MARCHF5: variants seen among roughly 807,000 people sequenced by gnomAD.
MARCHF5 encodes the protein E3 ubiquitin-protein ligase MARCHF5.
MARCHF5 carries 5 observed loss-of-function variants against 36.5 expected under a neutral mutation model. The ratio of observed to expected loss-of-function variants is 0.14; its 90% CI spans 0.07 to 0.29. The LOEUF (loss-of-function observed/expected upper bound fraction) is 0.29. Ranked by LOEUF, MARCHF5 falls within the 10% of genes least tolerant of loss-of-function variation. MARCHF5 has a pLI of 1.00. For synonymous variants in MARCHF5, 103 were observed against 109.9 expected, an observed-to-expected ratio of 0.94 and a Z score of 0.39; for missense variants, 179 against 336.3, an observed-to-expected ratio of 0.53 and a Z score of 3.66.
At chr10:92,331,185 G>A (rs1843431792) in intron 2 of MARCHF5, among the ~76,000 whole-genome samples, 1 of 152,094 alleles carries the variant, frequency 6.6e-6, no homozygotes, top group Non-Finnish European at 1.5e-5. Flanking sequence ...CTGTTTTTAT[G>A]TGTTAATAAA....
At chr10:92,318,602 G>C (rs773719167) in intron 2 of MARCHF5, among the ~76,000 whole-genome samples, 1 of 151,402 alleles carries the variant, frequency 6.6e-6, no homozygotes, top group African/African-American at 2.4e-5. Flanking sequence ...GTGCACCTGG[G>C]GTCGCAGCTA....
At position 92,349,777 on chromosome 10, in the gene MARCHF5, T is replaced by C. The variant is rs779556607; in HGVS notation, c.660T>C (p.Ala220=). 6.2e-7 allele frequency: 1 copy of C among 1,609,542 alleles called. No homozygotes were observed. The highest frequency in any genetic ancestry group is 1.1e-5 in the South Asian group (1 of 90,974). Residue 220 remains alanine (A), a synonymous_variant, in exon 5 of 6, where the codon GCT becomes GCC. Coordinates refer to ENST00000358935, the MANE Select transcript of MARCHF5 (RefSeq NM_017824.5). The part of the protein sequence containing the change: ...LCGALVFPTI[A]TIVGKLMFSS... ...GAGCCCTTGTCTTTCCTACTATTGC[T>C]ACAATAGTTGGTAAATTGATGTTCA...
chr10:92,316,801 C>G (rs1360911862), intron 2 of MARCHF5, among the ~76,000 whole-genome samples: 1 of 151,848 alleles, frequency 6.6e-6, no homozygotes, highest in Non-Finnish European at 1.5e-5. Context: ...CAAGGGATCC[C>G]CCTCCCAAAC....
intron 2 of MARCHF5, chr10:92,333,578 A>G: frequency 5.8e-6 from 5 of 861,964 alleles, no homozygotes; most frequent in Non-Finnish European, 7.0e-6. Context: ...CAACTGAACA[A>G]ACATTGAACA....
intron 1 of MARCHF5, among the ~76,000 whole-genome samples, chr10:92,302,050 ACT>A (rs1474912906): frequency 6.6e-6 from 1 of 151,970 alleles, no homozygotes; most frequent in Non-Finnish European, 1.5e-5. Flanking sequence ...GACAAGCAAG[ACT>A]CTGTCTCAAA....
At chr10:92,307,052 T>A (rs1251311834) in intron 1 of MARCHF5, among the ~76,000 whole-genome samples, 1 of 152,092 alleles carries the variant, frequency 6.6e-6, no homozygotes, top group Non-Finnish European at 1.5e-5. Flanking sequence ...CTAGACTATA[T>A]GCCTGCAGTC....
At chr10:92,339,148 T>TCAAGAC (rs1843541962) in intron 2 of MARCHF5, among the ~76,000 whole-genome samples, 1 of 150,896 alleles carries the variant, frequency 6.6e-6, no homozygotes. Context: ...GGTGGGTGGA[T>TCAAGAC]CACCTGAGGT....
chr10:92,318,426 CAA>C lies in MARCHF5; in HGVS notation c.238+7105_238+7106del, dbSNP rs397845333. On this transcript the variant is annotated intron_variant, in intron 2 of 5. Transcript: ENST00000358935. ...GGGCAACTGGAGTGAGACCCTGTCT[CAA>C]AAAAAAAAAAAAAAATGGCTAGGGG... Among the ~76,000 whole-genome samples, 310 of 124,560 alleles carry C rather than the reference CAA, an allele frequency of 2.5e-3. 1 individual carries two copies. The highest frequency in any genetic ancestry group is 8.5e-3 in the Middle Eastern group (2 of 236). The allele number at this position is 124,560 out of a possible 152,430, so 81.7% of individuals were successfully genotyped here.
chr10:92,335,664 A>G (rs1313923507), intron 2 of MARCHF5, among the ~76,000 whole-genome samples: 1 of 152,206 alleles, frequency 6.6e-6, no homozygotes, highest in East Asian at 1.9e-4. Context: ...TGAGTAGAAA[A>G]TTTCCAAAGA....
chr10:92,298,293 A>G (rs543860506), intron 1 of MARCHF5, among the ~76,000 whole-genome samples: 15 of 152,130 alleles, frequency 9.9e-5, no homozygotes, highest in African/African-American at 3.1e-4. Flanking sequence ...TTCAATTTCT[A>G]TGTATGGTTC....
chr10:92,322,244 C>CAAAAAAA (rs56391697), intron 2 of MARCHF5, among the ~76,000 whole-genome samples: 3 of 27,744 alleles, frequency 1.1e-4, no homozygotes, highest in Non-Finnish European at 1.3e-4. Flanking sequence ...AACTCCGTCT[C>CAAAAAAA]AAAAAAAAAA....
At chr10:92,344,889 C>CT (rs1186797834) in intron 3 of MARCHF5, among the ~76,000 whole-genome samples, 9 of 152,112 alleles carry the variant, frequency 5.9e-5, no homozygotes, top group Non-Finnish European at 1.3e-4. Flanking sequence ...GCATTTAACC[C>CT]TTGCAACAAT....
At chr10:92,350,212 G>T in intron 5 of MARCHF5, 1 of 199,510 alleles carries the variant, frequency 5.0e-6, no homozygotes, top group Non-Finnish European at 1.0e-5. Flanking sequence ...GTAGTATGGT[G>T]ATGGTAATAA....
At chr10:92,295,630 G>C (rs1020136108) in intron 1 of MARCHF5, among the ~76,000 whole-genome samples, 1 of 151,514 alleles carries the variant, frequency 6.6e-6, no homozygotes. Context: ...GGATGGTCTC[G>C]ATCTCCTGAC....
intron 2 of MARCHF5, among the ~76,000 whole-genome samples, chr10:92,311,916 G>A (rs1843149566): frequency 1.3e-5 from 2 of 152,164 alleles, no homozygotes; most frequent in South Asian, 4.1e-4. Flanking sequence ...ATAGCAGACT[G>A]CTTACAAGAA....
intron 1 of MARCHF5, among the ~76,000 whole-genome samples, chr10:92,310,812 T>C (rs1205802750): frequency 6.6e-6 from 1 of 152,214 alleles, no homozygotes; most frequent in African/African-American, 2.4e-5. Flanking sequence ...TATTAGGTCT[T>C]ATAACAAAAA....
At chr10:92,301,220 T>C (rs561519535) in intron 1 of MARCHF5, among the ~76,000 whole-genome samples, 2 of 152,278 alleles carry the variant, frequency 1.3e-5, no homozygotes, top group South Asian at 2.1e-4. Flanking sequence ...GTAGTTCACA[T>C]AGATGACAAT....
In MARCHF5 at chr10:92,351,166, C is replaced by T. The variant is rs1436919642; in HGVS notation, c.796C>T (p.His266Tyr). 2 of 1,613,508 alleles carry T rather than the reference C, an allele frequency of 1.2e-6. No individual in the cohort carries two copies. Among genetic ancestry groups the T allele is most frequent in the Non-Finnish European group, 1.7e-6 (2 of 1,179,608 alleles). The change falls in exon 6 of 6, where the codon CAC becomes TAC. Residue 266 changes from histidine to tyrosine, a missense_variant. Coordinates refer to ENST00000358935, the MANE Select transcript of MARCHF5 (RefSeq NM_017824.5). ...ACAGCAGCAATATTTACGACAGGCA[C>T]ACCGCAAAATTCTGAATTATCCAGA... ...FKQQQYLRQA[H>Y]RKILNYPEQE...
intron 1 of MARCHF5, among the ~76,000 whole-genome samples, chr10:92,308,254 T>C (rs1237915106): frequency 6.6e-6 from 1 of 152,008 alleles, no homozygotes; most frequent in African/African-American, 2.4e-5. Context: ...GCTTCCCCTT[T>C]CTAGATCATA....
Sources: allele counts gnomAD v4.1 joint callset (sites outside exome capture counted in the v4.1 genomes callset), GRCh38; gene constraint gnomAD v4.1.1; transcripts MANE v1.5; gene names NCBI Gene and HGNC (gene_info 2026-07-23, HGNC 2026-07-21).